Variants in SMAD3 observed in about 807,000 individuals in gnomAD.
SMAD3 encodes MAD homolog 3.
SMAD3 carries 12 observed loss-of-function variants against 51.8 expected under a neutral mutation model. The observed-to-expected ratio is 0.23, with a 90% CI of 0.15 to 0.38. SMAD3 has a LOEUF of 0.38. Ranked by LOEUF, SMAD3 falls within the 10% of genes least tolerant of loss-of-function variation. The probability of loss-of-function intolerance (pLI) is 1.00; values close to 1 mark genes in which losing one functional copy is unlikely to be tolerated. For missense variants in SMAD3, 294 were observed against 565.6 expected, an observed-to-expected ratio of 0.52 and a Z score of 4.87; for synonymous variants, 238 against 227.7, an observed-to-expected ratio of 1.05 and a Z score of -0.41.
intron 1 of SMAD3, among the ~76,000 whole-genome samples, chr15:67,078,658 T>G (rs946435240): frequency 1.3e-5 from 2 of 152,216 alleles, no homozygotes; most frequent in African/African-American, 4.8e-5. Context: ...AGATTGAGTT[T>G]CATGTCCAAG....
intron 1 of SMAD3, chr15:67,146,226 C>G (rs1044098354): frequency 2.0e-5 from 3 of 152,178 alleles, no homozygotes; most frequent in Non-Finnish European, 4.4e-5. Context: ...TTAAATGTTT[C>G]CTAGATTGAG....
At chr15:67,187,284 C>T in intron 7 of SMAD3, 81 bp from the exon 8 acceptor site, 1 of 1,562,626 alleles carries the variant, frequency 6.4e-7, no homozygotes, top group Non-Finnish European at 8.8e-7. Context: ...TCTAGGGGGT[C>T]CAGGACTTGC....
chr15:67,145,836 G>C (rs1961961327), intron 1 of SMAD3, among the ~76,000 whole-genome samples: 1 of 152,190 alleles, frequency 6.6e-6, no homozygotes, highest in South Asian at 2.1e-4. Flanking sequence ...TTTCCACCGT[G>C]TCTCCCTGCA....
At chr15:67,175,695 G>T (rs747750840) in intron 5 of SMAD3, among the ~76,000 whole-genome samples, 1 of 152,292 alleles carries the variant, frequency 6.6e-6, no homozygotes, top group Non-Finnish European at 1.5e-5. Flanking sequence ...GAGACTCCAC[G>T]CTGACAGGCC....
At chr15:67,092,490 G>A (rs180818568) in intron 1 of SMAD3, among the ~76,000 whole-genome samples, 125 of 152,282 alleles carry the variant, frequency 8.2e-4, no homozygotes, top group Admixed American at 1.6e-3. Flanking sequence ...CTCAGGCCCC[G>A]CCCCCAGGCC....
intron 1 of SMAD3, among the ~76,000 whole-genome samples, chr15:67,141,562 A>G (rs969097501): frequency 6.6e-6 from 1 of 152,188 alleles, no homozygotes; most frequent in Non-Finnish European, 1.5e-5. Flanking sequence ...TAGAGCAGAG[A>G]GAGTCCAGCC....
intron 1 of SMAD3, among the ~76,000 whole-genome samples, chr15:67,135,112 G>T (rs1328960607): frequency 6.6e-6 from 1 of 152,180 alleles, no homozygotes; most frequent in Non-Finnish European, 1.5e-5. Context: ...TGGAGCCACA[G>T]GAGAGAAGAT....
intron 1 of SMAD3, among the ~76,000 whole-genome samples, chr15:67,071,350 G>T (rs891891830): frequency 1.1e-4 from 17 of 152,118 alleles, no homozygotes; most frequent in African/African-American, 4.1e-4. Flanking sequence ...CTTGTAACTG[G>T]CACTGAACAG....
At chr15:67,081,136 T>G (rs1191354052) in intron 1 of SMAD3, among the ~76,000 whole-genome samples, 1 of 152,234 alleles carries the variant, frequency 6.6e-6, no homozygotes, top group Non-Finnish European at 1.5e-5. Context: ...CCTTTGTGGC[T>G]CAGCTGGGTC....
At position 67,085,868 on chromosome 15, in the gene SMAD3, G is replaced by GCACACACACACACA. The variant is rs78357581; in HGVS notation, c.206+19527_206+19540dup. On this transcript the variant is annotated intron_variant, in intron 1 of 8. Transcript: ENST00000327367. ...TAGTGGTTGGTCAAAAAAAAAGCGTGCACACACACACACACACACACACAC... is the reference window on the plus strand; with the variant it reads ...TAGTGGTTGGTCAAAAAAAAAGCGTGCACACACACACACACACACACACACACACACACACACAC... Among the ~76,000 whole-genome samples the GCACACACACACACA allele has an allele frequency of 3.7e-3, 371 of 100,130 alleles. 2 individuals are homozygous for GCACACACACACACA. Among genetic ancestry groups the GCACACACACACACA allele is most frequent in the African/African-American group, 0.012 (343 of 29,216 alleles). The allele number at this position is 100,130 out of a possible 152,430, so 65.7% of individuals were successfully genotyped here.
intron 3 of SMAD3, chr15:67,165,887 C>T: frequency 6.0e-6 from 1 of 165,774 alleles, no homozygotes; most frequent in Non-Finnish European, 1.3e-5. Flanking sequence ...ATGGGCTTTG[C>T]CGTCAAAGAC....
rs1959897622 is a variant in SMAD3, at chr15:67,065,804, C to T, written c.-351C>T. 2 of 207,212 alleles carry T rather than the reference C, an allele frequency of 9.7e-6. No individual in the cohort carries two copies. Among genetic ancestry groups the T allele is most frequent in the African/African-American group, 4.6e-5 (2 of 43,766 alleles). The allele number at this position is 207,212 out of a possible 1,614,324, so 12.8% of individuals were successfully genotyped here. A position where few individuals can be genotyped will look rare whatever the true frequency, so the allele number is the denominator to read the frequency against. Reference sequence around the variant, plus strand: ...GGACTTTCCTTCCCGGAGGCGGCACCCAAACAGCTACCCCGTGCGGAAACC... The same window carrying T: ...GGACTTTCCTTCCCGGAGGCGGCACTCAAACAGCTACCCCGTGCGGAAACC... On this transcript the variant is annotated 5_prime_UTR_variant, in exon 1 of 9. Coordinates refer to ENST00000327367, the MANE Select transcript of SMAD3 (RefSeq NM_005902.4).
rs1161172385 is a variant in SMAD3 at position 67,191,733 on chromosome 15, C to G, written c.*1197C>G. The G allele has an allele frequency of 4.3e-6, 1 of 230,736 alleles. No individual in the cohort carries two copies. The highest frequency in any genetic ancestry group is 8.6e-6 in the Non-Finnish European group (1 of 116,564). The allele number at this position is 230,736 out of a possible 1,614,324, so 14.3% of individuals were successfully genotyped here. ...GGGAAACATCTCAGGCCAACATAGGCAAATGAAAAGGGCTATTAAAATATT... is the reference window on the plus strand; with the variant it reads ...GGGAAACATCTCAGGCCAACATAGGGAAATGAAAAGGGCTATTAAAATATT... On this transcript the variant is annotated 3_prime_UTR_variant, in exon 9 of 9. Coordinates refer to ENST00000327367, the MANE Select transcript of SMAD3 (RefSeq NM_005902.4).
In SMAD3 at chr15:67,084,070, C is replaced by CTTTTTTTTTTTT. The variant is rs56675753; in HGVS notation, c.206+17722_206+17733dup. Among the ~76,000 whole-genome samples, 416 of 85,078 alleles carry CTTTTTTTTTTTT rather than the reference C, an allele frequency of 4.9e-3. 7 individuals are homozygous for CTTTTTTTTTTTT. Among genetic ancestry groups the CTTTTTTTTTTTT allele is most frequent in the Middle Eastern group, 0.011 (1 of 88 alleles). The allele number at this position is 85,078 out of a possible 152,430, so 55.8% of individuals were successfully genotyped here. On this transcript the variant is annotated intron_variant, in intron 1 of 8. Coordinates refer to ENST00000327367, the MANE Select transcript of SMAD3 (RefSeq NM_005902.4). ...CCGTTCTCAGATTTTCTTTTTTTTT[C>CTTTTTTTTTTTT]TTTTTTTTTTTTTTTTTTTTTTTGA...
chr15:67,122,908 G>T (rs148072695), intron 1 of SMAD3, among the ~76,000 whole-genome samples: 4 of 152,166 alleles, frequency 2.6e-5, no homozygotes, highest in Non-Finnish European at 4.4e-5. Context: ...ACTTGCGTCC[G>T]GGCATGGTGG....
Position 67,192,660 on chromosome 15 carries a change from T to C in SMAD3, c.*2124T>C, listed in dbSNP as rs536610569. The C allele has an allele frequency of 1.3e-5, 3 of 233,278 alleles. No homozygotes were observed. Among genetic ancestry groups the C allele is most frequent in the South Asian group, 1.8e-4 (1 of 5,530 alleles). The allele number at this position is 233,278 out of a possible 1,614,324, so 14.5% of individuals were successfully genotyped here. A position where few individuals can be genotyped will look rare whatever the true frequency, so the allele number is the denominator to read the frequency against. ...GCTGCACGATCCTATGAGGGCTTCC[T>C]GTGGCACACAGCCCTCTGGGTGCTT... On this transcript the variant is annotated 3_prime_UTR_variant, in exon 9 of 9. Coordinates refer to ENST00000327367, the MANE Select transcript of SMAD3 (RefSeq NM_005902.4).
chr15:67,169,190 A>G (rs1320369461), intron 4 of SMAD3, among the ~76,000 whole-genome samples: 1 of 152,174 alleles, frequency 6.6e-6, no homozygotes, highest in Non-Finnish European at 1.5e-5. Flanking sequence ...CGGCTTAGCC[A>G]AACTCACGTA....
At chr15:67,084,138 C>T (rs1454256664) in intron 1 of SMAD3, among the ~76,000 whole-genome samples, 7 of 127,738 alleles carry the variant, frequency 5.5e-5, no homozygotes, top group Non-Finnish European at 1.1e-4. Flanking sequence ...TGCAGTGATG[C>T]GATCTCGGCT....
rs1012700847 is a variant in SMAD3 at position 67,194,704 on chromosome 15, C to T, written c.*4168C>T. On this transcript the variant is annotated 3_prime_UTR_variant, in exon 9 of 9. Transcript: ENST00000327367. ...TGGAGGGTGTAGTGGCTTTTTGGCT[C>T]AGCATCCAGAAACACCAAACCAGGC... 3 of 232,200 alleles carry T rather than the reference C, an allele frequency of 1.3e-5. No individual in the cohort carries two copies. Among genetic ancestry groups the T allele is most frequent in the African/African-American group, 6.6e-5 (3 of 45,244 alleles). 14.4% of individuals were successfully genotyped at this position (232,200 alleles called of 1,614,324 possible). A position where few individuals can be genotyped will look rare whatever the true frequency, so the allele number is the denominator to read the frequency against.
Sources: gnomAD v4.1 joint callset for allele counts (sites outside exome capture counted in the v4.1 genomes callset) on GRCh38, gnomAD v4.1.1 for gene constraint, MANE v1.5 for transcripts, NCBI Gene and HGNC (gene_info 2026-07-23, HGNC 2026-07-21) for gene names.